ABAT: variants seen among roughly 807,000 people sequenced by gnomAD.
ABAT encodes 4-aminobutyrate aminotransferase, mitochondrial.
In ABAT, 45 loss-of-function variants were observed where a neutral mutation model predicts 64.6. The observed-to-expected ratio is 0.70, with a 90% CI of 0.55 to 0.89. The LOEUF is 0.89. Ranked by LOEUF, ABAT falls within the 40% of genes least tolerant of loss-of-function variation. The pLI is 0.00. For synonymous variants in ABAT, 297 were observed against 250.5 expected (o/e 1.19, Z -1.75); for missense variants, 633 against 658.4 (o/e 0.96, Z 0.42).
rs113981175 is a variant in ABAT, at chr16:8,764,033, C to T, written c.367-36C>T. 28 of 1,594,554 alleles carry T rather than the reference C, an allele frequency of 1.8e-5. 1 individual carries two copies. The African/African-American group carries it at 2.4e-4, about 14-fold the overall frequency. ...TGTGGGCAGGGAGCTGGGTCAGGCC[C>T]CCAGAAGTCACCATTTGTCTCTTGC... On this transcript the variant is annotated intron_variant, in intron 6 of 15. Transcript: ENST00000268251. The surrounding 1 kb of genome is among the most constrained non-coding windows in gnomAD (Gnocchi z 4.2).
At chr16:8,692,808 C>T (rs1165918823) in intron 1 of ABAT, among the ~76,000 whole-genome samples, 2 of 152,210 alleles carry the variant, frequency 1.3e-5, no homozygotes, top group African/African-American at 4.8e-5. Context: ...TCCCCTACTA[C>T]ATTTAAGGAG....
chr16:8,726,464 C>T (rs1045804930), intron 1 of ABAT, among the ~76,000 whole-genome samples: 13 of 151,852 alleles, frequency 8.6e-5, no homozygotes, highest in East Asian at 1.9e-4. Context: ...TAGCCATGTT[C>T]GCCAGGCTGG....
At chr16:8,765,925 C>G (rs994794800) in intron 8 of ABAT, 21 of 403,870 alleles carry the variant, frequency 5.2e-5, no homozygotes, top group Non-Finnish European at 9.9e-5. Flanking sequence ...CATCTGGCCT[C>G]CATTCTTCCT....
At chr16:8,681,457 A>G (rs1006788168) in intron 1 of ABAT, among the ~76,000 whole-genome samples, 1 of 80,962 alleles carries the variant, frequency 1.2e-5, no homozygotes, top group Non-Finnish European at 2.6e-5. Flanking sequence ...CAGCCTCTAC[A>G]CTTTTTTTTT....
chr16:8,775,442 C>A (rs984733709), intron 13 of ABAT, among the ~76,000 whole-genome samples: 1 of 152,142 alleles, frequency 6.6e-6, no homozygotes, highest in Non-Finnish European at 1.5e-5. Flanking sequence ...AGGAATCAGG[C>A]ACAGAGAGGT....
At chr16:8,701,395 C>T (rs1279809939) in intron 1 of ABAT, among the ~76,000 whole-genome samples, 1 of 152,196 alleles carries the variant, frequency 6.6e-6, no homozygotes, top group Non-Finnish European at 1.5e-5. Flanking sequence ...GGAAGAGAAG[C>T]ACTCACCCTT....
chr16:8,742,191 G>A (rs1021301521), intron 2 of ABAT, among the ~76,000 whole-genome samples: 4 of 152,196 alleles, frequency 2.6e-5, no homozygotes, highest in Admixed American at 2.6e-4. Flanking sequence ...GTTTCCCCAT[G>A]GCCTTGACAT....
chr16:8,735,953 T>A, intron 2 of ABAT, 144 bp downstream of exon 2: 2 of 709,518 alleles, frequency 2.8e-6, no homozygotes, highest in South Asian at 1.6e-5. Context: ...TAGTCTGTTC[T>A]CATGCTGCTA....
chr16:8,752,878 A>C (rs2059530787), intron 5 of ABAT, among the ~76,000 whole-genome samples: 1 of 152,214 alleles, frequency 6.6e-6, no homozygotes, highest in African/African-American at 2.4e-5. Context: ...TAATACTTAT[A>C]GAGAATTTAC....
At chr16:8,720,366 A>C (rs1484299979) in intron 1 of ABAT, among the ~76,000 whole-genome samples, 4 of 152,212 alleles carry the variant, frequency 2.6e-5, no homozygotes, top group Non-Finnish European at 5.9e-5. Flanking sequence ...CTTTCCCCAC[A>C]TCATTCTCAG....
At chr16:8,690,542 G>A (rs1384446684) in intron 1 of ABAT, among the ~76,000 whole-genome samples, 7 of 152,042 alleles carry the variant, frequency 4.6e-5, no homozygotes, top group Admixed American at 1.3e-4. Flanking sequence ...GGAATTTTAC[G>A]TACAGAATGA....
chr16:8,764,629 T>C lies in ABAT; in HGVS notation c.448-109T>C. The C allele has an allele frequency of 9.4e-7, 1 of 1,058,224 alleles. No homozygotes were observed. Among genetic ancestry groups the C allele is most frequent in the Non-Finnish European group, 1.5e-6 (1 of 688,008 alleles). 65.6% of individuals were successfully genotyped at this position (1,058,224 alleles called of 1,614,324 possible). ...CCGACACCTTCCAGGACAGCCCTGG[T>C]TCTGTCTGTCCCCGGTACGGCCCCT... On this transcript the variant is annotated intron_variant, in intron 7 of 15. Coordinates refer to ENST00000268251, the MANE Select transcript of ABAT (RefSeq NM_020686.6). The surrounding 1 kb of genome is among the most constrained non-coding windows in gnomAD (Gnocchi z 4.2).
In ABAT at chr16:8,773,105, T is replaced by C. The variant is rs868775375; in HGVS notation, c.954+188T>C. Among the ~76,000 whole-genome samples the C allele has an allele frequency of 1.3e-3, 137 of 109,028 alleles. 1 individual carries two copies. Among genetic ancestry groups the C allele is most frequent in the African/African-American group, 3.3e-3 (99 of 30,158 alleles). The allele number at this position is 109,028 out of a possible 152,430, so 71.5% of individuals were successfully genotyped here. On this transcript the variant is annotated intron_variant, in intron 12 of 15. Transcript: ENST00000268251. ...GAATGGGGATTCTTCCCTAAAACTA[T>C]ACACACACACACACACACACACACA...
chr16:8,688,951 G>A (rs1203360058), intron 1 of ABAT, among the ~76,000 whole-genome samples: 6 of 152,084 alleles, frequency 3.9e-5, no homozygotes, highest in Admixed American at 3.9e-4. Flanking sequence ...GTGGTGGCAG[G>A]TGCCTTTAGT....
chr16:8,697,597 C>T (rs1055886321), intron 1 of ABAT, among the ~76,000 whole-genome samples: 17 of 151,840 alleles, frequency 1.1e-4, no homozygotes, highest in African/African-American at 3.6e-4. Flanking sequence ...TCCCTTTCCT[C>T]CTGTGCAAGT....
intron 2 of ABAT, among the ~76,000 whole-genome samples, chr16:8,742,749 C>A (rs2059198141): frequency 6.6e-6 from 1 of 151,518 alleles, no homozygotes; most frequent in Admixed American, 6.6e-5. Context: ...GCCTGTGATC[C>A]CAGCTACTCA....
chr16:8,740,795 G>A (rs575679799), intron 2 of ABAT, among the ~76,000 whole-genome samples: 1 of 152,340 alleles, frequency 6.6e-6, no homozygotes, highest in South Asian at 2.1e-4. Flanking sequence ...AAAATTAAAT[G>A]TGTTTTCTTT....
chr16:8,748,184 A>G (rs2142678339), intron 4 of ABAT, 47 bp downstream of exon 4: 1 of 1,564,958 alleles, frequency 6.4e-7, no homozygotes, highest in Middle Eastern at 1.7e-4. Context: ...CTTTATCACA[A>G]TTGAGCTAAA....
intron 2 of ABAT, chr16:8,736,155 GACTT>G: frequency 3.0e-6 from 1 of 330,064 alleles, no homozygotes; most frequent in South Asian, 2.9e-5. Context: ...GATCGTGTGA[GACTT>G]ACTCAATTGA....
Sources: gnomAD v4.1 joint callset for allele counts (sites outside exome capture counted in the v4.1 genomes callset) on GRCh38, gnomAD v4.1.1 for gene constraint, Gnocchi (gnomAD v3.1) non-coding constraint, MANE v1.5 for transcripts, NCBI Gene and HGNC (gene_info 2026-07-23, HGNC 2026-07-21) for gene names.